MTUS2: variants seen among roughly 807,000 people sequenced by gnomAD.
MTUS2 encodes the protein microtubule associated scaffold protein 2.
In MTUS2, 40 loss-of-function variants were observed where a neutral mutation model predicts 114.1. The observed-to-expected ratio is 0.35, with a 90% CI of 0.27 to 0.46. The LOEUF (loss-of-function observed/expected upper bound fraction) is 0.46. Among genes scored for constraint, MTUS2 ranks in the 20% least tolerant of loss-of-function variants. The pLI is 1.00. For missense variants in MTUS2, 1,679 were observed against 1,705.4 expected (o/e 0.98, Z 0.27); for synonymous variants, 688 against 672.0 (o/e 1.02, Z -0.37).
At chr13:29,030,320 AGCATC>A (rs1197915541) in intron 3 of MTUS2, among the ~76,000 whole-genome samples, 2 of 152,170 alleles carry the variant, frequency 1.3e-5, no homozygotes, top group Non-Finnish European at 2.9e-5. Context: ...TCGCACCTCG[AGCATC>A]CCAAAGTCTT....
chr13:29,100,502 T>G (rs889981797), intron 4 of MTUS2, among the ~76,000 whole-genome samples: 3 of 152,162 alleles, frequency 2.0e-5, no homozygotes, highest in African/African-American at 7.2e-5. Flanking sequence ...AATAGAGTTA[T>G]TTGTCTTCCT....
chr13:29,385,629 T>C (rs1229827940), intron 8 of MTUS2, among the ~76,000 whole-genome samples: 2 of 90,160 alleles, frequency 2.2e-5, no homozygotes, highest in Non-Finnish European at 5.1e-5. Context: ...CTGCTGCTGC[T>C]GAGCCCTTCC....
intron 12 of MTUS2, among the ~76,000 whole-genome samples, chr13:29,495,181 C>CAA (rs71090260): frequency 0.029 from 867 of 29,788 alleles, 25 homozygotes; most frequent in Middle Eastern, 0.056. Context: ...AACTCCGTCT[C>CAA]AAAAAAAAAA....
intron 2 of MTUS2, among the ~76,000 whole-genome samples, chr13:28,848,844 A>G (rs1338032558): frequency 6.6e-6 from 1 of 152,066 alleles, no homozygotes; most frequent in Non-Finnish European, 1.5e-5. Flanking sequence ...ATAACTGGGG[A>G]CACTGTGCCA....
chr13:29,116,934 G>C (rs889397976), intron 5 of MTUS2, among the ~76,000 whole-genome samples: 1 of 152,134 alleles, frequency 6.6e-6, no homozygotes, highest in Non-Finnish European at 1.5e-5. Context: ...TTGACCCTGG[G>C]TAACTAAAAC....
chr13:29,186,432 A>G (rs1221913585), intron 5 of MTUS2, among the ~76,000 whole-genome samples: 1 of 152,244 alleles, frequency 6.6e-6, no homozygotes, highest in Non-Finnish European at 1.5e-5. Flanking sequence ...AAAATAATTC[A>G]AAAAACATGG....
chr13:29,491,148 GGT>G (rs1882043432), intron 11 of MTUS2, among the ~76,000 whole-genome samples: 2 of 150,598 alleles, frequency 1.3e-5, no homozygotes, highest in African/African-American at 4.9e-5. Flanking sequence ...GTATATGTGT[GGT>G]GTGTTTATGG....
chr13:29,095,055 T>C (rs371883207), intron 4 of MTUS2, among the ~76,000 whole-genome samples: 7 of 152,118 alleles, frequency 4.6e-5, no homozygotes, highest in African/African-American at 1.7e-4. Context: ...CTTTTTAATT[T>C]ATTAATGCTT....
intron 8 of MTUS2, among the ~76,000 whole-genome samples, chr13:29,401,144 T>C (rs554166505): frequency 3.0e-4 from 45 of 152,192 alleles, no homozygotes; most frequent in African/African-American, 1.0e-3. Context: ...CACACCGCCG[T>C]GACTGGCTAA....
At chr13:28,993,798 T>A (rs2138347956) in intron 2 of MTUS2, among the ~76,000 whole-genome samples, 1 of 152,264 alleles carries the variant, frequency 6.6e-6, no homozygotes, top group East Asian at 1.9e-4. Flanking sequence ...TACTGTCTTC[T>A]TTTTTGCTTG....
At chr13:29,482,455 A>G (rs1161695391) in intron 10 of MTUS2, 1 of 152,236 alleles carries the variant, frequency 6.6e-6, no homozygotes, top group Non-Finnish European at 1.5e-5. Flanking sequence ...GCATAATTCA[A>G]ACACGCTCTG....
At chr13:28,870,288 A>G (rs1483991790) in intron 2 of MTUS2, among the ~76,000 whole-genome samples, 3 of 152,238 alleles carry the variant, frequency 2.0e-5, no homozygotes, top group Non-Finnish European at 4.4e-5. Flanking sequence ...TTAAGAAGGA[A>G]TCCCAATGAA....
intron 2 of MTUS2, among the ~76,000 whole-genome samples, chr13:28,980,022 C>G (rs1197079948): frequency 6.6e-6 from 1 of 152,098 alleles, no homozygotes; most frequent in Admixed American, 6.6e-5. Flanking sequence ...AGCAAATCAT[C>G]AGAAGGAACT....
At chr13:29,381,976 G>C (rs1872247370) in intron 8 of MTUS2, among the ~76,000 whole-genome samples, 1 of 152,190 alleles carries the variant, frequency 6.6e-6, no homozygotes, top group Non-Finnish European at 1.5e-5. Context: ...TGTCTCCTGG[G>C]CTGGAAACTC....
chr13:29,483,694 T>G (rs1881377243), intron 10 of MTUS2, among the ~76,000 whole-genome samples: 1 of 152,322 alleles, frequency 6.6e-6, no homozygotes, highest in African/African-American at 2.4e-5. Context: ...CTTGGCTTTC[T>G]TAAGTGAGTT....
intron 5 of MTUS2, among the ~76,000 whole-genome samples, chr13:29,195,812 G>C (rs1356118321): frequency 3.9e-5 from 6 of 152,110 alleles, no homozygotes; most frequent in Non-Finnish European, 8.8e-5. Context: ...GTGTGCAAGA[G>C]ACAAAAAGAA....
intron 5 of MTUS2, among the ~76,000 whole-genome samples, chr13:29,107,163 T>G (rs1890704020): frequency 1.3e-5 from 2 of 152,306 alleles, no homozygotes; most frequent in South Asian, 2.1e-4. Context: ...GTGATTTTTT[T>G]GTTCCTGGAA....
At chr13:28,929,368 T>A (rs1239881697) in intron 2 of MTUS2, among the ~76,000 whole-genome samples, 1 of 152,114 alleles carries the variant, frequency 6.6e-6, no homozygotes, top group Non-Finnish European at 1.5e-5. Flanking sequence ...GTGGTAGAGA[T>A]CCCAATGACA....
intron 6 of MTUS2, chr13:29,307,332 G>T (rs981856944): frequency 1.4e-6 from 1 of 695,228 alleles, no homozygotes. Flanking sequence ...CTGCCACCCA[G>T]AAGACTGTGG....
Sources: allele counts gnomAD v4.1 joint callset (sites outside exome capture counted in the v4.1 genomes callset), GRCh38; gene constraint gnomAD v4.1.1; transcripts MANE v1.5; gene names NCBI Gene and HGNC (gene_info 2026-07-23, HGNC 2026-07-21).